Variants in ZFAND4 observed in about 807,000 individuals in gnomAD.
The protein encoded by ZFAND4 is zinc finger AN1-type containing 4.
Under a neutral mutation model 64.4 loss-of-function variants are expected in ZFAND4, and 43 were observed. The observed-to-expected ratio is 0.67, with a 90% CI of 0.52 to 0.86. The LOEUF is 0.86. Among genes scored for constraint, ZFAND4 ranks in the 40% least tolerant of loss-of-function variants. The pLI, the probability that ZFAND4 is intolerant of heterozygous loss-of-function variation, is 0.00. For missense variants in ZFAND4, 929 were observed against 859.8 expected (o/e 1.08, Z -1.01); for synonymous variants, 296 against 305.7 (o/e 0.97, Z 0.33).
intron 8 of ZFAND4, among the ~76,000 whole-genome samples, chr10:45,624,262 C>A (rs115794033): frequency 6.6e-6 from 1 of 152,222 alleles, no homozygotes. Flanking sequence ...TTCTTCAAAA[C>A]CCACATGGCT....
rs1418745166 is a variant in ZFAND4, at chr10:45,626,185, A to G, written c.1638T>C (p.Ala546=). ...KRSDVISKVE[A]RDITEMTNKA... ...TGTTAGTCATTTCTGTGATATCCCGAGCCTCAACTTTGGAAATAACATCAG... is the reference window on the plus strand; with the variant it reads ...TGTTAGTCATTTCTGTGATATCCCGGGCCTCAACTTTGGAAATAACATCAG... The change falls in exon 7 of 10, where the codon GCT becomes GCC. Residue 546 remains alanine (A), a synonymous_variant. Coordinates refer to ENST00000344646, the MANE Select transcript of ZFAND4 (RefSeq NM_174890.4). 1 of 1,614,044 alleles carries G rather than the reference A, an allele frequency of 6.2e-7. No homozygotes were observed. The highest frequency in any genetic ancestry group is 8.5e-7 in the Non-Finnish European group (1 of 1,180,048).
At chr10:45,634,690 T>G (rs2046434526) in intron 6 of ZFAND4, among the ~76,000 whole-genome samples, 1 of 151,996 alleles carries the variant, frequency 6.6e-6, no homozygotes, top group Non-Finnish European at 1.5e-5. Context: ...ATAAAGGGCA[T>G]ACAAATTTGA....
chr10:45,632,075 C>T (rs892832996), intron 6 of ZFAND4, among the ~76,000 whole-genome samples: 22 of 152,180 alleles, frequency 1.4e-4, no homozygotes, highest in Admixed American at 1.2e-3. Flanking sequence ...ATACAATTGG[C>T]CGGGCATGGT....
At chr10:45,620,159 C>G (rs2045307755) in intron 8 of ZFAND4, among the ~76,000 whole-genome samples, 1 of 151,926 alleles carries the variant, frequency 6.6e-6, no homozygotes, top group Non-Finnish European at 1.5e-5. Flanking sequence ...GGATGCTTAA[C>G]TTGATATTCT....
In ZFAND4 at chr10:45,631,896, C is replaced by G. The variant is rs1403913758; in HGVS notation, c.718-4791G>C. On this transcript the variant is annotated intron_variant, in intron 6 of 9. Coordinates refer to ENST00000344646, the MANE Select transcript of ZFAND4 (RefSeq NM_174890.4). ...AGAAAAACCTACAATTAATATCATACATAATGGTAAAAACAAATAAAAATG... is the reference window on the plus strand; with the variant it reads ...AGAAAAACCTACAATTAATATCATAGATAATGGTAAAAACAAATAAAAATG... Among the ~76,000 whole-genome samples, 10 of 152,070 alleles carry G rather than the reference C, an allele frequency of 6.6e-5. No homozygotes were observed. In the East Asian group the frequency reaches 1.7e-3, roughly 26 times the overall value.
Position 45,626,908 on chromosome 10 carries a change from A to C in ZFAND4, c.915T>G (p.Ala305=), listed in dbSNP as rs781286514. 2 of 1,614,262 alleles carry C rather than the reference A, an allele frequency of 1.2e-6. No homozygotes were observed. Among genetic ancestry groups the C allele is most frequent in the South Asian group, 2.2e-5 (2 of 91,086 alleles). ...GISSLATQLS[A]ERYISSITGE... ...CAGTGATAGAAGATATGTATCTCTC[A>C]GCAGAGAGTTGAGTTGCCAAACTTG... Residue 305 remains alanine (A), a synonymous_variant, in exon 7 of 10, where the codon GCT becomes GCG. Transcript: ENST00000344646.
chr10:45,655,032 G>A (rs185693173), intron 2 of ZFAND4, among the ~76,000 whole-genome samples: 110 of 152,072 alleles, frequency 7.2e-4, no homozygotes, highest in Non-Finnish European at 1.2e-3. Flanking sequence ...ACATTCAACC[G>A]AAGAACTGAA....
rs182397686 is a variant in ZFAND4 at position 45,636,752 on chromosome 10, A to G, written c.717+3064T>C. Among the ~76,000 whole-genome samples, 9 of 152,312 alleles carry G rather than the reference A, an allele frequency of 5.9e-5. No individual in the cohort carries two copies. In the East Asian group the frequency reaches 1.7e-3, roughly 29 times the overall value. Reference sequence around the variant, plus strand: ...TACTCTGCTGTTTTGGGTAGAGCATACTGTAAATGTCAGTTGGGTCAAGTA... The same window carrying G: ...TACTCTGCTGTTTTGGGTAGAGCATGCTGTAAATGTCAGTTGGGTCAAGTA... On this transcript the variant is annotated intron_variant, in intron 6 of 9. Transcript: ENST00000344646.
chr10:45,643,287 T>C (rs2047150903), intron 5 of ZFAND4, among the ~76,000 whole-genome samples: 1 of 152,024 alleles, frequency 6.6e-6, no homozygotes, highest in South Asian at 2.1e-4. Context: ...TATTCAAGCA[T>C]GAAATCTGCA....
intron 6 of ZFAND4, among the ~76,000 whole-genome samples, chr10:45,627,541 T>C (rs2045921201): frequency 6.6e-6 from 1 of 152,092 alleles, no homozygotes; most frequent in Non-Finnish European, 1.5e-5. Flanking sequence ...TTGAAAAGAC[T>C]TGCTGGCAAC....
chr10:45,653,057 T>C lies in ZFAND4; in HGVS notation c.187A>G (p.Ile63Val). 1 of 1,607,722 alleles carries C rather than the reference T, an allele frequency of 6.2e-7. No homozygotes were observed. Among genetic ancestry groups the C allele is most frequent in the South Asian group, 1.1e-5 (1 of 90,468 alleles). ...ATTAAGTGTTGTCGACAGATGGGAA[T>C]ACCTTAAGGGAAAGTTATTAAAAAA... ...VKAKIRRLEG[I>V]PICRQHLIWN... The change falls in exon 3 of 10, where the codon ATT becomes GTT. Residue 63 changes from isoleucine to valine, a missense_variant and splice_region_variant. Physicochemically the swap from Ile to Val is conservative, Grantham distance 29 (BLOSUM62 3). Transcript: ENST00000344646.
At chr10:45,649,353 C>T (rs900184397) in intron 4 of ZFAND4, among the ~76,000 whole-genome samples, 1 of 152,104 alleles carries the variant, frequency 6.6e-6, no homozygotes, top group Non-Finnish European at 1.5e-5. Context: ...TGTACTAAAA[C>T]TGCAACAGTT....
intron 6 of ZFAND4, among the ~76,000 whole-genome samples, chr10:45,628,161 G>A (rs966773718): frequency 3.3e-5 from 5 of 152,162 alleles, no homozygotes; most frequent in African/African-American, 1.2e-4. Context: ...GCAGGCATGA[G>A]GATGGGATGG....
At chr10:45,631,392 T>A (rs1187230292) in intron 6 of ZFAND4, among the ~76,000 whole-genome samples, 2 of 151,144 alleles carry the variant, frequency 1.3e-5, no homozygotes, top group Non-Finnish European at 3.0e-5. Context: ...ACATATAAAT[T>A]CTAAGAAATA....
rs753351650 is a variant in ZFAND4, at chr10:45,627,069, CAG to C, written c.752_753del (p.Pro251ArgfsTer7). 2 of 1,568,642 alleles carry C rather than the reference CAG, an allele frequency of 1.3e-6. No individual in the cohort carries two copies. The highest frequency in any genetic ancestry group is 1.7e-6 in the Non-Finnish European group (2 of 1,157,102). On this transcript the variant is annotated frameshift_variant, in exon 7 of 10. Transcript: ENST00000344646. LOFTEE classifies it high-confidence loss of function. The part of the protein sequence containing the change: ...KKAVKIKPHP[P>X]VAPRPSSGST... ...GAACCACTAGAAGGTCGAGGAGCTACAGGTGGGTGAGGTTTTATCTTGACAGC... is the reference window on the plus strand; with the variant it reads ...GAACCACTAGAAGGTCGAGGAGCTACGTGGGTGAGGTTTTATCTTGACAGC...
chr10:45,654,948 G>A (rs866502206), intron 2 of ZFAND4, among the ~76,000 whole-genome samples: 9 of 152,208 alleles, frequency 5.9e-5, no homozygotes, highest in South Asian at 2.1e-4. Flanking sequence ...AGGTCATCAA[G>A]CCAGAAAGTC....
intron 2 of ZFAND4, among the ~76,000 whole-genome samples, chr10:45,660,384 G>A (rs1050850972): frequency 2.6e-5 from 4 of 152,000 alleles, no homozygotes; most frequent in Admixed American, 6.6e-5. Flanking sequence ...GGACTGTTAA[G>A]AGAAAAAAGA....
At chr10:45,665,493 A>G (rs578198220) in intron 1 of ZFAND4, among the ~76,000 whole-genome samples, 1 of 152,112 alleles carries the variant, frequency 6.6e-6, no homozygotes, top group South Asian at 2.1e-4. Flanking sequence ...GTGAGCCAAG[A>G]TTGCACCACT....
chr10:45,657,457 C>T (rs1038757853), intron 2 of ZFAND4, among the ~76,000 whole-genome samples: 3 of 152,084 alleles, frequency 2.0e-5, no homozygotes, highest in Admixed American at 6.5e-5. Flanking sequence ...GATAAGGATA[C>T]AGAGCAACTA....
Sources: allele counts gnomAD v4.1 joint callset (sites outside exome capture counted in the v4.1 genomes callset), GRCh38; gene constraint gnomAD v4.1.1; transcripts MANE v1.5; gene names NCBI Gene and HGNC (gene_info 2026-07-23, HGNC 2026-07-21).